CPNE4: variants seen among roughly 807,000 people sequenced by gnomAD.
CPNE4 encodes the protein copine-4.
In CPNE4, 25 loss-of-function variants were observed where a neutral mutation model predicts 67.9. The ratio of observed to expected loss-of-function variants is 0.37; its 90% CI spans 0.27 to 0.51. The LOEUF (loss-of-function observed/expected upper bound fraction) is 0.51. CPNE4 is among the 20% of genes least tolerant of loss of function. The pLI is 0.93. For synonymous variants in CPNE4, 242 were observed against 244.9 expected, an observed-to-expected ratio of 0.99 and a Z score of 0.11; for missense variants, 464 against 690.8, an observed-to-expected ratio of 0.67 and a Z score of 3.68.
At chr3:131,848,129 AG>A (rs1226110091) in intron 2 of CPNE4, among the ~76,000 whole-genome samples, 1 of 152,172 alleles carries the variant, frequency 6.6e-6, no homozygotes, top group African/African-American at 2.4e-5. Flanking sequence ...GTCTTACGTA[AG>A]GGGAGCTTCT....
chr3:131,916,168 G>A (rs1583450313), intron 1 of CPNE4, among the ~76,000 whole-genome samples: 1 of 152,086 alleles, frequency 6.6e-6, no homozygotes, highest in Admixed American at 6.6e-5. Flanking sequence ...TTTTGGCACT[G>A]AAATAATTTA....
At chr3:132,026,870 G>T (rs1230558113) in intron 1 of CPNE4, among the ~76,000 whole-genome samples, 1 of 79,426 alleles carries the variant, frequency 1.3e-5, no homozygotes, top group East Asian at 2.3e-4. Context: ...TTTTACAAAT[G>T]AGGAAATAGG....
At position 131,911,543 on chromosome 3, in the gene CPNE4, T is replaced by TTGTGTGTGTGTGTG. The variant is rs3041573; in HGVS notation, c.-1-6113_-1-6100dup. ...AAACAGATTCAAGAGGCACTCCAAG[T>TTGTGTGTGTGTGTG]TGTGTGTGTGTGTGTGTGTGTGTGT... On this transcript the variant is annotated intron_variant, in intron 1 of 15. Transcript: ENST00000429747. 1.6e-4 allele frequency among the ~76,000 whole-genome samples: 23 copies of TTGTGTGTGTGTGTG among 146,066 alleles called. No individual in the cohort carries two copies. The East Asian group carries it at 2.3e-3, about 14-fold the overall frequency.
intron 1 of CPNE4, among the ~76,000 whole-genome samples, chr3:131,939,352 A>C (rs1304176321): frequency 3.3e-5 from 5 of 152,132 alleles, no homozygotes; most frequent in Non-Finnish European, 7.4e-5. Context: ...TAAGTGAAAA[A>C]AAATGAAGCA....
chr3:131,778,761 C>A (rs774666777), intron 2 of CPNE4, among the ~76,000 whole-genome samples: 2 of 151,972 alleles, frequency 1.3e-5, no homozygotes, highest in African/African-American at 4.8e-5. Flanking sequence ...GGGATAGGCT[C>A]GCAGTTACAG....
At chr3:131,994,073 C>A (rs974615081) in intron 1 of CPNE4, among the ~76,000 whole-genome samples, 2 of 135,386 alleles carry the variant, frequency 1.5e-5, no homozygotes, top group African/African-American at 2.5e-5. Context: ...TATAATGGCA[C>A]CAGAAATGTA....
At chr3:131,568,917 C>T (rs1339825289) in intron 10 of CPNE4, among the ~76,000 whole-genome samples, 1 of 152,006 alleles carries the variant, frequency 6.6e-6, no homozygotes, top group Non-Finnish European at 1.5e-5. Flanking sequence ...ACCTTTGGGA[C>T]CACATTCTTG....
chr3:131,996,605 C>A (rs946967388), intron 1 of CPNE4, among the ~76,000 whole-genome samples: 1 of 151,840 alleles, frequency 6.6e-6, no homozygotes, highest in Non-Finnish European at 1.5e-5. Context: ...CAGCACTCAT[C>A]TGGTCCCTCC....
chr3:131,732,413 C>T (rs2082148613), intron 2 of CPNE4, among the ~76,000 whole-genome samples: 1 of 152,178 alleles, frequency 6.6e-6, no homozygotes, highest in Non-Finnish European at 1.5e-5. Flanking sequence ...TACCAGGAGA[C>T]CAGCCCACAT....
chr3:131,861,789 T>C (rs897286621), intron 2 of CPNE4, among the ~76,000 whole-genome samples: 1 of 152,156 alleles, frequency 6.6e-6, no homozygotes, highest in Non-Finnish European at 1.5e-5. Context: ...TTGTTAGACT[T>C]GAGAACACTA....
At chr3:131,606,117 C>G (rs1181168688) in intron 7 of CPNE4, among the ~76,000 whole-genome samples, 5 of 152,132 alleles carry the variant, frequency 3.3e-5, no homozygotes, top group Non-Finnish European at 5.9e-5. Flanking sequence ...GCTTGAAGAC[C>G]AGAAAAGAAC....
chr3:131,578,937 G>T lies in CPNE4; in HGVS notation c.867+2642C>A, dbSNP rs371053398. Among the ~76,000 whole-genome samples the T allele has an allele frequency of 5.6e-4, 85 of 152,286 alleles. 2 individuals are homozygous for T. In the South Asian group the frequency reaches 0.017, roughly 31 times the overall value. On this transcript the variant is annotated intron_variant, in intron 9 of 15. Coordinates refer to ENST00000429747, the MANE Select transcript of CPNE4 (RefSeq NM_130808.3). ...AGCAGCAAATGCTGATGGAAAAGCT[G>T]CCACAATTTATCCAGAAGATCCAGC...
chr3:131,863,981 G>C (rs373585790), intron 2 of CPNE4, among the ~76,000 whole-genome samples: 11 of 151,788 alleles, frequency 7.2e-5, no homozygotes, highest in African/African-American at 1.4e-4. Context: ...CTCATTTCTT[G>C]TTTTTGTCAG....
chr3:131,841,737 C>T (rs1354451305), intron 2 of CPNE4, among the ~76,000 whole-genome samples: 3 of 152,214 alleles, frequency 2.0e-5, no homozygotes, highest in East Asian at 3.8e-4. Context: ...AGATGGACCA[C>T]CCATATCTTC....
At chr3:131,704,275 G>A (rs2107710486) in intron 3 of CPNE4, among the ~76,000 whole-genome samples, 1 of 152,218 alleles carries the variant, frequency 6.6e-6, no homozygotes, top group South Asian at 2.1e-4. Context: ...AGTTTCCTCT[G>A]GTATCCATGG....
At chr3:131,823,966 A>AAATG (rs758562801) in intron 2 of CPNE4, among the ~76,000 whole-genome samples, 2 of 152,316 alleles carry the variant, frequency 1.3e-5, no homozygotes, top group South Asian at 2.1e-4. Context: ...AATTCTTGTT[A>AAATG]AATGAATGAA....
chr3:131,900,140 C>T (rs551690500), intron 2 of CPNE4, among the ~76,000 whole-genome samples: 1 of 151,674 alleles, frequency 6.6e-6, no homozygotes, highest in Non-Finnish European at 1.5e-5. Context: ...AACAACTCTA[C>T]AGGAAAAAAA....
intron 2 of CPNE4, among the ~76,000 whole-genome samples, chr3:131,876,280 A>AC (rs1553794781): frequency 2.0e-5 from 3 of 151,336 alleles, no homozygotes; most frequent in Non-Finnish European, 2.9e-5. Context: ...ATAAATAAAT[A>AC]AATACGAATA....
chr3:131,686,100 T>C, intron 5 of CPNE4, 142 bp from the exon 6 acceptor site: 1 of 598,648 alleles, frequency 1.7e-6, no homozygotes, highest in South Asian at 2.0e-5. Context: ...TTGTCCTCTC[T>C]TCCTGCCCAG....
Sources: allele counts gnomAD v4.1 joint callset (sites outside exome capture counted in the v4.1 genomes callset), GRCh38; gene constraint gnomAD v4.1.1; transcripts MANE v1.5; gene names NCBI Gene and HGNC (gene_info 2026-07-23, HGNC 2026-07-21).